GRIK2: variants seen among roughly 807,000 people sequenced by gnomAD.
GRIK2 encodes the protein glutamate ionotropic receptor kainate type subunit 2.
A neutral mutation model predicts 100.3 loss-of-function variants in GRIK2; 32 were observed. The ratio of observed to expected loss-of-function variants is 0.32; its 90% CI spans 0.24 to 0.43. The LOEUF is 0.43. Ranked by LOEUF, GRIK2 falls within the 20% of genes least tolerant of loss-of-function variation. The pLI is 1.00. For missense variants in GRIK2, 843 were observed against 1,114.9 expected (o/e 0.76, Z 3.47); for synonymous variants, 417 against 389.4 (o/e 1.07, Z -0.83).
chr6:101,529,251 G>A (rs1159902048), intron 2 of GRIK2, among the ~76,000 whole-genome samples: 1 of 152,078 alleles, frequency 6.6e-6, no homozygotes, highest in East Asian at 1.9e-4. Flanking sequence ...TCCTACAGCA[G>A]AGCATCATCA....
At chr6:101,794,149 C>T (rs1185550823) in intron 7 of GRIK2, among the ~76,000 whole-genome samples, 4 of 152,156 alleles carry the variant, frequency 2.6e-5, no homozygotes, top group Non-Finnish European at 1.5e-5. Context: ...AACTCCCTGA[C>T]CCCTTGCGCT....
chr6:101,865,833 G>T (rs1318415937), intron 11 of GRIK2, among the ~76,000 whole-genome samples: 7 of 150,298 alleles, frequency 4.7e-5, no homozygotes, highest in African/African-American at 7.4e-5. Context: ...AGGTTGCAGT[G>T]AGCTGAGATC....
At chr6:101,866,094 G>T (rs756819203) in intron 11 of GRIK2, among the ~76,000 whole-genome samples, 16 of 152,018 alleles carry the variant, frequency 1.1e-4, no homozygotes, top group Non-Finnish European at 2.4e-4. Flanking sequence ...TGTTAACTTT[G>T]CTTCAAGTGT....
At chr6:102,049,569 T>C (rs972827121) in intron 15 of GRIK2, among the ~76,000 whole-genome samples, 7 of 152,190 alleles carry the variant, frequency 4.6e-5, no homozygotes, top group African/African-American at 1.7e-4. Flanking sequence ...ACTTTGCTAA[T>C]GTATAATGTG....
At chr6:101,546,364 T>G (rs544682930) in intron 2 of GRIK2, among the ~76,000 whole-genome samples, 207 of 152,338 alleles carry the variant, frequency 1.4e-3, no homozygotes, top group Admixed American at 3.4e-3. Context: ...TACCTTTATG[T>G]TGGCCTTTTA....
At chr6:101,426,636 G>A (rs2852522) in intron 2 of GRIK2, among the ~76,000 whole-genome samples, 8,133 of 152,126 alleles carry the variant, frequency 0.053, 356 homozygotes, top group South Asian at 0.14. Context: ...AGTTTACAGA[G>A]GATCTACTGT....
intron 4 of GRIK2, among the ~76,000 whole-genome samples, chr6:101,656,189 G>C (rs1212846926): frequency 6.6e-6 from 1 of 151,784 alleles, no homozygotes. Flanking sequence ...CATAATCCCA[G>C]CTACTTGGGA....
At chr6:101,715,653 T>C (rs746428058) in intron 7 of GRIK2, among the ~76,000 whole-genome samples, 2 of 151,790 alleles carry the variant, frequency 1.3e-5, no homozygotes, top group Non-Finnish European at 2.9e-5. Flanking sequence ...ATGGCAGTCT[T>C]CATTAATCCC....
At chr6:101,797,594 C>T (rs138356980) in intron 7 of GRIK2, among the ~76,000 whole-genome samples, 4,164 of 147,602 alleles carry the variant, frequency 0.028, 82 homozygotes, top group African/African-American at 0.064. Flanking sequence ...TAAGGTAATA[C>T]TTCATATTAC....
At chr6:101,858,570 T>C (rs1309419024) in intron 10 of GRIK2, among the ~76,000 whole-genome samples, 1 of 151,472 alleles carries the variant, frequency 6.6e-6, no homozygotes, top group African/African-American at 2.4e-5. Flanking sequence ...TTGTATTTTT[T>C]AGTAGAGATG....
At chr6:102,037,225 G>A (rs1770319112) in intron 15 of GRIK2, among the ~76,000 whole-genome samples, 1 of 151,120 alleles carries the variant, frequency 6.6e-6, no homozygotes, top group Non-Finnish European at 1.5e-5. Context: ...AAACAAACGA[G>A]TTCTTACTCC....
chr6:101,743,092 T>C (rs1776152602), intron 7 of GRIK2, among the ~76,000 whole-genome samples: 1 of 152,122 alleles, frequency 6.6e-6, no homozygotes, highest in African/African-American at 2.4e-5. Context: ...GTTAGCATGA[T>C]TTTAGGGTGG....
At chr6:101,799,924 G>C (rs1780567905) in intron 8 of GRIK2, 133 bp downstream of exon 8, 2 of 671,132 alleles carry the variant, frequency 3.0e-6, no homozygotes, top group Non-Finnish European at 5.0e-6. Context: ...CTCCAAATAA[G>C]CAAAATTAAC....
intron 14 of GRIK2, among the ~76,000 whole-genome samples, chr6:101,950,827 G>A (rs1178438766): frequency 2.0e-5 from 3 of 152,218 alleles, no homozygotes; most frequent in Non-Finnish European, 2.9e-5. Flanking sequence ...ATCTACAAAG[G>A]TGAAGGATAA....
At chr6:101,598,592 TAAAAAAA>T (rs75603851) in intron 2 of GRIK2, among the ~76,000 whole-genome samples, 1 of 82,394 alleles carries the variant, frequency 1.2e-5, no homozygotes, top group African/African-American at 5.1e-5. Context: ...TCTTCCTTAA[TAAAAAAA>T]AAAAAAAAAA....
In GRIK2 at chr6:101,713,805, T is replaced by A. The variant is rs549572712; in HGVS notation, c.951+27452T>A. Among the ~76,000 whole-genome samples the A allele has an allele frequency of 2.4e-4, 36 of 151,760 alleles. 1 individual carries two copies. The highest frequency in any genetic ancestry group is 4.9e-4 in the Non-Finnish European group (33 of 67,820). On this transcript the variant is annotated intron_variant, in intron 7 of 16. Coordinates refer to ENST00000369134, the MANE Select transcript of GRIK2 (RefSeq NM_021956.5). ...TCTAACAGTAGTATTTTTAAACATA[T>A]CTCTATACTGAAGCAAAAAGAACAA... is the stretch of plus-strand genomic sequence containing the variant.
intron 2 of GRIK2, among the ~76,000 whole-genome samples, chr6:101,492,483 A>C (rs1240680374): frequency 6.6e-6 from 1 of 151,928 alleles, no homozygotes; most frequent in Admixed American, 6.6e-5. Flanking sequence ...TTTTTTAAAA[A>C]AAAATTCTAT....
At chr6:101,664,343 T>G (rs916520951) in intron 4 of GRIK2, among the ~76,000 whole-genome samples, 1 of 152,234 alleles carries the variant, frequency 6.6e-6, no homozygotes, top group South Asian at 2.1e-4. Context: ...CCACTGTCCA[T>G]GACTGGTGCT....
intron 11 of GRIK2, among the ~76,000 whole-genome samples, 189 bp downstream of exon 11, chr6:101,859,682 A>G (rs1042912765): frequency 2.6e-5 from 4 of 152,208 alleles, no homozygotes; most frequent in Non-Finnish European, 5.9e-5. Flanking sequence ...ATATAGCCCT[A>G]TATATGTAAA....
Sources: allele counts gnomAD v4.1 joint callset (sites outside exome capture counted in the v4.1 genomes callset), GRCh38; gene constraint gnomAD v4.1.1; transcripts MANE v1.5; gene names NCBI Gene and HGNC (gene_info 2026-07-23, HGNC 2026-07-21).